Variants in RHOQ observed in about 807,000 individuals in gnomAD.
RHOQ encodes ras homolog family member Q.
RHOQ carries 7 observed loss-of-function variants against 25.8 expected under a neutral mutation model. The ratio of observed to expected loss-of-function variants is 0.27; its 90% CI spans 0.15 to 0.51. The LOEUF (loss-of-function observed/expected upper bound fraction) is 0.51. RHOQ is among the 20% of genes least tolerant of loss of function. The pLI is 0.97. For synonymous variants in RHOQ, 97 were observed against 98.6 expected (o/e 0.98, Z 0.10); for missense variants, 165 against 260.6 (o/e 0.63, Z 2.53).
At chr2:46,550,883 G>C (rs1223745605) in intron 2 of RHOQ, among the ~76,000 whole-genome samples, 4 of 152,178 alleles carry the variant, frequency 2.6e-5, no homozygotes, top group Non-Finnish European at 5.9e-5. Flanking sequence ...AGGAGAAGGT[G>C]GGGGATCGGG....
chr2:46,551,948 G>C (rs144280754), intron 2 of RHOQ, among the ~76,000 whole-genome samples: 1 of 152,122 alleles, frequency 6.6e-6, no homozygotes, highest in African/African-American at 2.4e-5. Flanking sequence ...CAGGCCACAC[G>C]GTTGGTAAAA....
At chr2:46,579,828 A>C (rs1265879485) in intron 4 of RHOQ, among the ~76,000 whole-genome samples, 1 of 148,288 alleles carries the variant, frequency 6.7e-6, no homozygotes, top group Non-Finnish European at 1.5e-5. Context: ...CTGGGCAACA[A>C]GAGTGAAACT....
chr2:46,581,647 C>G lies in RHOQ; in HGVS notation c.*564C>G. On this transcript the variant is annotated 3_prime_UTR_variant, in exon 5 of 5. Coordinates refer to ENST00000238738, the MANE Select transcript of RHOQ (RefSeq NM_012249.4). ...AACAAATGTTTTATTATTACTTGAG[C>G]ACAAGTGTAACCTAAATATTTCTAT... 1 of 1,571,484 alleles carries G rather than the reference C, an allele frequency of 6.4e-7. No individual in the cohort carries two copies. The highest frequency in any genetic ancestry group is 8.6e-7 in the Non-Finnish European group (1 of 1,157,568).
chr2:46,570,748 G>A (rs552778514), intron 2 of RHOQ, among the ~76,000 whole-genome samples: 14 of 152,280 alleles, frequency 9.2e-5, no homozygotes, highest in African/African-American at 3.1e-4. Flanking sequence ...CACTTTTCAG[G>A]GATATTCTTA....
chr2:46,560,989 A>G (rs1011996952), intron 2 of RHOQ, among the ~76,000 whole-genome samples: 2 of 142,250 alleles, frequency 1.4e-5, no homozygotes, highest in African/African-American at 5.4e-5. Context: ...GTGTCCTACT[A>G]TAGACCCCAT....
chr2:46,558,015 T>G (rs1321957585), intron 2 of RHOQ, among the ~76,000 whole-genome samples: 2 of 152,256 alleles, frequency 1.3e-5, no homozygotes, highest in African/African-American at 4.8e-5. Flanking sequence ...GTTTCTCAAG[T>G]GAACAATTAT....
At chr2:46,580,858 G>C (rs1054524576) in intron 4 of RHOQ, 70 bp from the exon 5 acceptor site, 8 of 1,061,424 alleles carry the variant, frequency 7.5e-6, no homozygotes, top group African/African-American at 4.9e-5. Flanking sequence ...TCTTTATAAT[G>C]ATGTGTTTAT....
At chr2:46,549,736 G>C (rs1004401658) in intron 2 of RHOQ, among the ~76,000 whole-genome samples, 1 of 152,136 alleles carries the variant, frequency 6.6e-6, no homozygotes, top group Non-Finnish European at 1.5e-5. Flanking sequence ...CAGCTGCTTT[G>C]CATGTACGGA....
rs911235769 is a variant in RHOQ at position 46,548,170 on chromosome 2, A to G, written c.201+4358A>G. 1.3e-5 allele frequency among the ~76,000 whole-genome samples: 2 copies of G among 152,230 alleles called. No individual in the cohort carries two copies. The highest frequency in any genetic ancestry group is 2.4e-5 in the African/African-American group (1 of 41,460). ...GTTCAGGGAAGCGTCCATGACAGCT[A>G]TAAATATCTTTTACTCTGGTGTCCC... On this transcript the variant is annotated intron_variant, in intron 2 of 4. Coordinates refer to ENST00000238738, the MANE Select transcript of RHOQ (RefSeq NM_012249.4). The surrounding 1 kb of genome is among the most constrained non-coding windows in gnomAD (Gnocchi z 5.2).
At chr2:46,551,145 G>A (rs1259543226) in intron 2 of RHOQ, among the ~76,000 whole-genome samples, 13 of 152,222 alleles carry the variant, frequency 8.5e-5, no homozygotes, top group Admixed American at 7.2e-4. Context: ...CTGTCAGATG[G>A]AGATTATGAT....
chr2:46,583,109 A>C lies in RHOQ; in HGVS notation c.*2026A>C, dbSNP rs1669456026. The C allele has an allele frequency of 6.6e-6, 1 of 152,058 alleles. No homozygotes were observed. Among genetic ancestry groups the C allele is most frequent in the African/African-American group, 2.4e-5 (1 of 41,402 alleles). 9.4% of individuals were successfully genotyped at this position (152,058 alleles called of 1,614,324 possible). On this transcript the variant is annotated 3_prime_UTR_variant, in exon 5 of 5. Transcript: ENST00000238738. ...GAATTACAACAGTAAACTATTACAC[A>C]TTTCCAACTTGCCTTTGGGGATTTA... is the stretch of plus-strand genomic sequence containing the variant.
chr2:46,564,518 T>C (rs141887132), intron 2 of RHOQ, among the ~76,000 whole-genome samples: 175 of 152,302 alleles, frequency 1.1e-3, no homozygotes, highest in African/African-American at 3.8e-3. Flanking sequence ...CGTCCTCAGA[T>C]GGCAGATTGC....
At chr2:46,573,987 T>G (rs1436210361) in intron 2 of RHOQ, among the ~76,000 whole-genome samples, 1 of 152,212 alleles carries the variant, frequency 6.6e-6, no homozygotes, top group African/African-American at 2.4e-5. Flanking sequence ...TCTCTGTGAT[T>G]GGAGGGAGCT....
At position 46,576,496 on chromosome 2, in the gene RHOQ, A is replaced by G; in HGVS notation, c.367-65A>G. The G allele has an allele frequency of 9.5e-7, 1 of 1,051,090 alleles. No individual in the cohort carries two copies. The highest frequency in any genetic ancestry group is 1.4e-6 in the Non-Finnish European group (1 of 704,788). The allele number at this position is 1,051,090 out of a possible 1,614,324, so 65.1% of individuals were successfully genotyped here. On this transcript the variant is annotated intron_variant, in intron 3 of 4. Transcript: ENST00000238738. This position sits in a 1 kb window ranked among gnomAD's most constrained non-coding sequence, Gnocchi z 5.1. Reference sequence around the variant, plus strand: ...TGGTATGTGGGAATTAAGTGGGATTACATGCTTTGATTTTTCTTTAAAGAT... The same window carrying G: ...TGGTATGTGGGAATTAAGTGGGATTGCATGCTTTGATTTTTCTTTAAAGAT...
Position 46,548,156 on chromosome 2 carries a change from C to T in RHOQ, c.201+4344C>T, listed in dbSNP as rs1668131897. On this transcript the variant is annotated intron_variant, in intron 2 of 4. Coordinates refer to ENST00000238738, the MANE Select transcript of RHOQ (RefSeq NM_012249.4). The surrounding 1 kb of genome is among the most constrained non-coding windows in gnomAD (Gnocchi z 5.2). ...ACTTAAACACACAAGTTCAGGGAAGCGTCCATGACAGCTATAAATATCTTT... is the reference window on the plus strand; with the variant it reads ...ACTTAAACACACAAGTTCAGGGAAGTGTCCATGACAGCTATAAATATCTTT... 6.6e-6 allele frequency among the ~76,000 whole-genome samples: 1 copy of T among 152,202 alleles called. No homozygotes were observed. Among genetic ancestry groups the T allele is most frequent in the African/African-American group, 2.4e-5 (1 of 41,458 alleles).
In RHOQ at chr2:46,583,353, C is replaced by A. The variant is rs1297954739; in HGVS notation, c.*2270C>A. On this transcript the variant is annotated 3_prime_UTR_variant, in exon 5 of 5. Transcript: ENST00000238738. ...GGTAGAACAGAGATCTCCAACGTCT[C>A]TCCCATTTATCACAGTAATTTTCTT... 6.6e-6 allele frequency among the ~76,000 whole-genome samples: 1 copy of A among 152,136 alleles called. No individual in the cohort carries two copies. Among genetic ancestry groups the A allele is most frequent in the Non-Finnish European group, 1.5e-5 (1 of 68,000 alleles).
rs1384439897 is a variant in RHOQ at position 46,575,398 on chromosome 2, TTCACACAC to T, written c.202-688_202-681del. 1.5e-4 allele frequency among the ~76,000 whole-genome samples: 14 copies of T among 91,696 alleles called. 1 individual carries two copies. Among genetic ancestry groups the T allele is most frequent in the African/African-American group, 5.5e-4 (13 of 23,684 alleles). The allele number at this position is 91,696 out of a possible 152,430, so 60.2% of individuals were successfully genotyped here. On this transcript the variant is annotated intron_variant, in intron 2 of 4. Coordinates refer to ENST00000238738, the MANE Select transcript of RHOQ (RefSeq NM_012249.4). Reference sequence around the variant, plus strand: ...TACTGTGTATGTTTCTCTTTAAATCTTCACACACACACACACACACACACACACACACA... The same window carrying T: ...TACTGTGTATGTTTCTCTTTAAATCTACACACACACACACACACACACACA...
At chr2:46,577,634 C>CA (rs1270912088) in intron 4 of RHOQ, among the ~76,000 whole-genome samples, 10 of 134,272 alleles carry the variant, frequency 7.4e-5, no homozygotes, top group Admixed American at 6.6e-4. Flanking sequence ...CCAGGATGGT[C>CA]TCGACCTCCT....
Position 46,580,993 on chromosome 2 carries a change from T to C in RHOQ, c.528T>C (p.Asp176=), listed in dbSNP as rs765427531. Residue 176 remains aspartate (D), a synonymous_variant, in exon 5 of 5, where the codon GAT becomes GAC. Transcript: ENST00000238738. The part of the protein sequence containing the change: ...LTQKGLKTVF[D]EAIIAILTPK... ...AGAAGGGATTGAAGACTGTTTTTGA[T>C]GAGGCTATCATAGCCATTTTAACTC... 10 of 1,587,914 alleles carry C rather than the reference T, an allele frequency of 6.3e-6. No individual in the cohort carries two copies. The South Asian group carries it at 1.0e-4, about 16-fold the overall frequency.
Sources: gnomAD v4.1 joint callset for allele counts (sites outside exome capture counted in the v4.1 genomes callset) on GRCh38, gnomAD v4.1.1 for gene constraint, Gnocchi (gnomAD v3.1) non-coding constraint, MANE v1.5 for transcripts, NCBI Gene and HGNC (gene_info 2026-07-23, HGNC 2026-07-21) for gene names.